The following MYO5A variants were observed in gnomAD, a reference collection of about 807,000 sequenced individuals.
MYO5A encodes myosin VA.
MYO5A carries 98 observed loss-of-function variants against 249.7 expected under a neutral mutation model. That is an observed-to-expected ratio of 0.39 (90% CI 0.33 to 0.46). MYO5A has a LOEUF of 0.46. Among genes scored for constraint, MYO5A ranks in the 20% least tolerant of loss-of-function variants. The pLI is 0.98. For synonymous variants in MYO5A, 778 were observed against 810.6 expected, an observed-to-expected ratio of 0.96 and a Z score of 0.68; for missense variants, 1,696 against 2,308.8, an observed-to-expected ratio of 0.73 and a Z score of 5.44.
intron 1 of MYO5A, among the ~76,000 whole-genome samples, chr15:52,507,914 G>C (rs1410305946): frequency 6.6e-6 from 1 of 151,464 alleles, no homozygotes; most frequent in Non-Finnish European, 1.5e-5. Context: ...AGCCAATAAT[G>C]CTACCTAAGA....
chr15:52,354,003 C>T lies in MYO5A; in HGVS notation c.3435G>A (p.Glu1145=). ...ATGACATGTCCAGAGGTACCTTCTT[C>T]TCACTTGGTTCCTAAACCCCAGGAA... ...DIPSRTEEPS[E]KKVPLDMSLF... The change falls in exon 26 of 42, where the codon GAG becomes GAA. Residue 1145 remains glutamate, a synonymous_variant. Transcript: ENST00000399233. 6.2e-7 allele frequency: 1 copy of T among 1,614,228 alleles called. No individual in the cohort carries two copies. The highest frequency in any genetic ancestry group is 8.5e-7 in the Non-Finnish European group (1 of 1,180,042).
Position 52,321,504 on chromosome 15 carries a change from A to C in MYO5A, c.4806T>G (p.Phe1602Leu), listed in dbSNP as rs760382734. 1.2e-6 allele frequency: 2 copies of C among 1,614,202 alleles called. No homozygotes were observed. The highest frequency in any genetic ancestry group is 8.5e-7 in the Non-Finnish European group (1 of 1,180,024). ...CLKQYSGEEG[F>L]MKHNTSRQNE... ...TCTGGCGAGATGTGTTGTGCTTCAT[A>C]AAGCCCTAGAGTCATAAGGCAAAGT... Residue 1602 changes from phenylalanine to leucine, a missense_variant, in exon 38 of 42, where the codon TTT becomes TTG. Coordinates refer to ENST00000399233, the MANE Select transcript of MYO5A (RefSeq NM_001382347.1).
At chr15:52,320,394 G>A (rs1391004314) in intron 38 of MYO5A, among the ~76,000 whole-genome samples, 2 of 152,180 alleles carry the variant, frequency 1.3e-5, no homozygotes, top group African/African-American at 4.8e-5. Flanking sequence ...GATTTAGATT[G>A]GGGCTTCTTT....
At chr15:52,429,717 A>T (rs2141294664) in intron 2 of MYO5A, among the ~76,000 whole-genome samples, 1 of 152,266 alleles carries the variant, frequency 6.6e-6, no homozygotes, top group Non-Finnish European at 1.5e-5. Flanking sequence ...AAAACAAAAC[A>T]AAACAAACGA....
rs761703649 is a variant in MYO5A at position 52,313,862 on chromosome 15, GA to G, written c.5491-15del. The G allele has an allele frequency of 2.5e-6, 4 of 1,612,342 alleles. No homozygotes were observed. Among genetic ancestry groups the G allele is most frequent in the Non-Finnish European group, 2.5e-6 (3 of 1,179,338 alleles). The stretch of plus-strand genomic sequence containing the variant: ...TCGTAAACGCATCTGAGAAGATTAG[GA>G]AAAAAAATAAACAGAGCATCAGTTC... On this transcript the variant is annotated splice_polypyrimidine_tract_variant and intron_variant, in intron 41 of 41. Coordinates refer to ENST00000399233, the MANE Select transcript of MYO5A (RefSeq NM_001382347.1).
chr15:52,376,452 C>T lies in MYO5A; in HGVS notation c.2315G>A (p.Arg772Gln), dbSNP rs185892206. Residue 772 changes from arginine (R) to glutamine (Q), a missense_variant, in exon 19 of 42, where the codon CGG (arginine) becomes CAG (glutamine). Transcript: ENST00000399233. ...CCACCCTCGGATGGTCTTCTGGATC[C>T]GGATGCAGGCAGCTCTCAGTTTGTC... ...RADKLRAACI[R>Q]IQKTIRGWLL... The T allele has an allele frequency of 7.3e-5, 118 of 1,614,122 alleles. 1 individual carries two copies. The highest frequency in any genetic ancestry group is 9.7e-5 in the Non-Finnish European group (114 of 1,180,018).
In MYO5A at chr15:52,470,860, T is replaced by A. The variant is rs374380154; in HGVS notation, c.28-37575A>T. ...CAACATGGTGAAACCCCATCTCTAC[T>A]AAGAACACAAAAATTAGCCGGGCAT... is the stretch of plus-strand genomic sequence containing the variant. On this transcript the variant is annotated intron_variant, in intron 1 of 41. Coordinates refer to ENST00000399233, the MANE Select transcript of MYO5A (RefSeq NM_001382347.1). 9.2e-4 allele frequency among the ~76,000 whole-genome samples: 139 copies of A among 150,950 alleles called. 1 individual carries two copies. The highest frequency in any genetic ancestry group is 3.2e-3 in the African/African-American group (131 of 41,130).
At chr15:52,485,631 T>C (rs113835076) in intron 1 of MYO5A, among the ~76,000 whole-genome samples, 7 of 152,340 alleles carry the variant, frequency 4.6e-5, no homozygotes, top group African/African-American at 1.7e-4. Flanking sequence ...ATGGATAATA[T>C]AGTTTCTACT....
Position 52,407,378 on chromosome 15 carries a change from T to A in MYO5A, c.860A>T (p.Tyr287Phe). Residue 287 changes from tyrosine (Y) to phenylalanine (F), a missense_variant, in exon 8 of 42, where the codon TAC (tyrosine) becomes TTC (phenylalanine). Coordinates refer to ENST00000399233, the MANE Select transcript of MYO5A (RefSeq NM_001382347.1). ...LRLGNADNFNYTKQGGSPVIE... is the reference protein window; with the variant it reads ...LRLGNADNFNFTKQGGSPVIE... ...CACAGGACTGCCTCCTTGTTTTGTG[T>A]AATTAAAGTTATCTGCATTTCCTGT... 1 of 1,613,370 alleles carries A rather than the reference T, an allele frequency of 6.2e-7. No homozygotes were observed.
At chr15:52,528,298 G>A (rs908518843) in intron 1 of MYO5A, among the ~76,000 whole-genome samples, 1 of 152,168 alleles carries the variant, frequency 6.6e-6, no homozygotes, top group Non-Finnish European at 1.5e-5. Context: ...CCGTTTGCAG[G>A]ATTCAAAATA....
intron 1 of MYO5A, among the ~76,000 whole-genome samples, chr15:52,444,605 G>T (rs1377998763): frequency 6.6e-6 from 1 of 152,092 alleles, no homozygotes; most frequent in Non-Finnish European, 1.5e-5. Context: ...GGAAGAATAA[G>T]AAAAACACAA....
intron 1 of MYO5A, among the ~76,000 whole-genome samples, chr15:52,483,032 G>A (rs988839761): frequency 5.9e-5 from 9 of 152,186 alleles, no homozygotes; most frequent in South Asian, 2.1e-4. Flanking sequence ...GGAAAAAACC[G>A]AAGCAAAGTG....
At chr15:52,332,190 T>C (rs1410768689) in intron 34 of MYO5A, among the ~76,000 whole-genome samples, 1 of 152,200 alleles carries the variant, frequency 6.6e-6, no homozygotes, top group Non-Finnish European at 1.5e-5. Flanking sequence ...AAGTTCAACA[T>C]ACTAGGTTTA....
chr15:52,389,169 C>T, intron 13 of MYO5A, 69 bp downstream of exon 13: 1 of 1,504,066 alleles, frequency 6.6e-7, no homozygotes, highest in Non-Finnish European at 9.1e-7. Context: ...AAAAAAGATA[C>T]CTCCTGACTA....
At chr15:52,321,012 CAAA>C (rs202041721) in intron 38 of MYO5A, among the ~76,000 whole-genome samples, 1 of 89,244 alleles carries the variant, frequency 1.1e-5, no homozygotes. Flanking sequence ...GACTCTGTCT[CAAA>C]AAAAAAAAAA....
At chr15:52,500,321 T>TG (rs2077126755) in intron 1 of MYO5A, among the ~76,000 whole-genome samples, 1 of 150,432 alleles carries the variant, frequency 6.6e-6, no homozygotes, top group Non-Finnish European at 1.5e-5. Flanking sequence ...CTTGGAGAAA[T>TG]GTCTATTCAA....
intron 8 of MYO5A, among the ~76,000 whole-genome samples, chr15:52,405,779 C>A (rs560250948): frequency 6.6e-6 from 1 of 152,336 alleles, no homozygotes; most frequent in South Asian, 2.1e-4. Flanking sequence ...TAATACACGA[C>A]ATGACACACA....
chr15:52,455,947 T>C (rs965793094), intron 1 of MYO5A, among the ~76,000 whole-genome samples: 6 of 152,050 alleles, frequency 3.9e-5, no homozygotes, highest in African/African-American at 7.2e-5. Context: ...CAACATAATA[T>C]TGGAAGTCCT....
intron 1 of MYO5A, among the ~76,000 whole-genome samples, chr15:52,523,987 G>A (rs1450197580): frequency 6.6e-6 from 1 of 152,238 alleles, no homozygotes; most frequent in Non-Finnish European, 1.5e-5. Context: ...GAATATAAAA[G>A]TGGATCTATC....
Sources: allele counts gnomAD v4.1 joint callset (sites outside exome capture counted in the v4.1 genomes callset), GRCh38; gene constraint gnomAD v4.1.1; transcripts MANE v1.5; gene names NCBI Gene and HGNC (gene_info 2026-07-23, HGNC 2026-07-21).